The following RAB11FIP1 variants were observed in gnomAD, a reference collection of about 807,000 sequenced individuals.
The protein encoded by RAB11FIP1 is rab11 family-interacting protein 1.
In RAB11FIP1, 49 loss-of-function variants were observed where a neutral mutation model predicts 83.1. The ratio of observed to expected loss-of-function variants is 0.59; its 90% CI spans 0.47 to 0.75. The LOEUF is 0.75. Among genes scored for constraint, RAB11FIP1 ranks in the 30% least tolerant of loss-of-function variants. The pLI, the probability that RAB11FIP1 is intolerant of heterozygous loss-of-function variation, is 0.00. For missense variants in RAB11FIP1, 1,536 were observed against 1,598.7 expected, an observed-to-expected ratio of 0.96 and a Z score of 0.67; for synonymous variants, 670 against 656.0, an observed-to-expected ratio of 1.02 and a Z score of -0.33.
rs549827207 is a variant in RAB11FIP1 at position 37,886,565 on chromosome 8, C to T, written c.372-9014G>A. ...CTGTATCCAGTTTGGACTCCGGGTT[C>T]GGTGAGGACTGCCTACTTCCTTGGC... On this transcript the variant is annotated intron_variant, in intron 1 of 5. Transcript: ENST00000330843. 3.9e-5 allele frequency among the ~76,000 whole-genome samples: 6 copies of T among 152,278 alleles called. No individual in the cohort carries two copies. The East Asian group carries it at 1.2e-3, about 29-fold the overall frequency.
Position 37,899,297 on chromosome 8 carries a change from T to C in RAB11FIP1, c.145A>G (p.Lys49Glu), listed in dbSNP as rs1807167579. 1.2e-6 allele frequency: 2 copies of C among 1,610,064 alleles called. No homozygotes were observed. Among genetic ancestry groups the C allele is most frequent in the Non-Finnish European group, 1.7e-6 (2 of 1,179,016 alleles). Reference sequence around the variant, plus strand: ...GACACGGAGGTGGCGTACTTCTCCTTGCCCACCTGGATCACCGCGTACGCG... The same window carrying C: ...GACACGGAGGTGGCGTACTTCTCCTCGCCCACCTGGATCACCGCGTACGCG... ...SDAYAVIQVG[K>E]EKYATSVSER... The change falls in exon 1 of 6, where the codon AAG becomes GAG. Residue 49 changes from lysine (K) to glutamate (E), a missense_variant. Transcript: ENST00000330843. This position sits in a 1 kb window ranked among gnomAD's most constrained non-coding sequence, Gnocchi z 4.5.
intron 1 of RAB11FIP1, among the ~76,000 whole-genome samples, chr8:37,881,064 G>A (rs1169829592): frequency 6.6e-6 from 1 of 152,234 alleles, no homozygotes; most frequent in Admixed American, 6.5e-5. Context: ...ACACTTAGAG[G>A]AAAGGCACAG....
At chr8:37,887,420 A>G (rs747587174) in intron 1 of RAB11FIP1, among the ~76,000 whole-genome samples, 3 of 151,810 alleles carry the variant, frequency 2.0e-5, no homozygotes, top group Non-Finnish European at 4.4e-5. Context: ...AATCCCAGCT[A>G]CTCGGGAGGA....
At chr8:37,894,635 T>C (rs1236498603) in intron 1 of RAB11FIP1, among the ~76,000 whole-genome samples, 5 of 151,054 alleles carry the variant, frequency 3.3e-5, no homozygotes, top group Non-Finnish European at 7.4e-5. Context: ...AGAAATTACT[T>C]CCCTAAATTT....
At position 37,861,739 on chromosome 8, in the gene RAB11FIP1, C is replaced by T. The variant is rs1340519349; in HGVS notation, c.*1156G>A. ...GAGTAGCTGGGATTACAGGCACGCA[C>T]CACCATGCCAAGCTAATTTTTGTAT... On this transcript the variant is annotated 3_prime_UTR_variant, in exon 6 of 6. Coordinates refer to ENST00000330843, the MANE Select transcript of RAB11FIP1 (RefSeq NM_001002814.3). The T allele has an allele frequency of 2.8e-6, 1 of 356,734 alleles. No individual in the cohort carries two copies. The highest frequency in any genetic ancestry group is 5.4e-6 in the Non-Finnish European group (1 of 184,704). 22.1% of individuals were successfully genotyped at this position (356,734 alleles called of 1,614,324 possible).
intron 5 of RAB11FIP1, among the ~76,000 whole-genome samples, chr8:37,868,792 G>A (rs1024648925): frequency 2.6e-5 from 4 of 152,064 alleles, no homozygotes; most frequent in African/African-American, 9.7e-5. Context: ...GTGGGGAGTT[G>A]TTTTTTAATA....
rs377226270 is a variant in RAB11FIP1 at position 37,874,973 on chromosome 8, G to C, written c.1164C>G (p.Asp388Glu). ...DRQLSESSTK[D>E]SLKSMTLPSY... ...ACGGCAGGGTCATAGACTTCAAGGA[G>C]TCCTTGGTGGAAGATTCGGAGAGCT... The change falls in exon 3 of 6, where the codon GAC (aspartate) becomes GAG (glutamate). Residue 388 changes from aspartate to glutamate, a missense_variant. Physicochemically the swap from Asp to Glu is conservative, Grantham distance 45 (BLOSUM62 2). Coordinates refer to ENST00000330843, the MANE Select transcript of RAB11FIP1 (RefSeq NM_001002814.3). The C allele has an allele frequency of 2.0e-5, 33 of 1,614,052 alleles. No homozygotes were observed. Among genetic ancestry groups the C allele is most frequent in the Non-Finnish European group, 2.6e-5 (31 of 1,180,046 alleles).
At chr8:37,892,321 C>T (rs1479227836) in intron 1 of RAB11FIP1, among the ~76,000 whole-genome samples, 2 of 152,180 alleles carry the variant, frequency 1.3e-5, no homozygotes, top group East Asian at 1.9e-4. Context: ...CCCATTTTGT[C>T]TGTCCAATTC....
chr8:37,895,320 G>A (rs1408401812), intron 1 of RAB11FIP1, among the ~76,000 whole-genome samples: 3 of 100,466 alleles, frequency 3.0e-5, no homozygotes, highest in Admixed American at 1.3e-4. Context: ...CACGTTACCC[G>A]GGCTGGTCTT....
intron 1 of RAB11FIP1, among the ~76,000 whole-genome samples, chr8:37,881,083 C>T (rs188098406): frequency 1.7e-4 from 26 of 152,336 alleles, no homozygotes; most frequent in East Asian, 1.2e-3. Context: ...AGGGGAAAGT[C>T]GAAACCTAAC....
chr8:37,881,721 G>C (rs1806736433), intron 1 of RAB11FIP1, among the ~76,000 whole-genome samples: 2 of 152,018 alleles, frequency 1.3e-5, no homozygotes, highest in Admixed American at 1.3e-4. Context: ...TTTTGCAACA[G>C]GGTCTCACTC....
intron 1 of RAB11FIP1, among the ~76,000 whole-genome samples, chr8:37,892,521 C>G (rs1329692665): frequency 6.6e-6 from 1 of 151,880 alleles, no homozygotes; most frequent in Non-Finnish European, 1.5e-5. Flanking sequence ...ATGGCGCAGT[C>G]TCAGCTCACC....
chr8:37,871,800 A>T lies in RAB11FIP1; in HGVS notation c.3002T>A (p.Leu1001Ter). ...SSTLDIGALS[L>*]GLVVPCPERG... The stretch of plus-strand genomic sequence containing the variant: ...CTCAGGACAGGGGACTACCAAGCCC[A>T]AGGACAAAGCTCCTATGTCCAGAGT... The change falls in exon 4 of 6, where the codon TTG becomes TAG. Residue 1001 changes from leucine to a stop codon, truncating the protein, a stop_gained. Transcript: ENST00000330843. LOFTEE classifies it high-confidence loss of function. The T allele has an allele frequency of 6.2e-7, 1 of 1,614,158 alleles. No homozygotes were observed. Among genetic ancestry groups the T allele is most frequent in the Non-Finnish European group, 8.5e-7 (1 of 1,180,004 alleles).
At position 37,858,856 on chromosome 8, in the gene RAB11FIP1, A is replaced by T. The variant is rs1218519121; in HGVS notation, c.*4039T>A. On this transcript the variant is annotated 3_prime_UTR_variant, in exon 6 of 6. Transcript: ENST00000330843. The stretch of plus-strand genomic sequence containing the variant: ...GTGAGAGACCCTCATGGGATGAGAA[A>T]CACTGGTCATCCCCCCACCCCCACC... 1 of 152,238 alleles carries T rather than the reference A, an allele frequency of 6.6e-6. No homozygotes were observed. The highest frequency in any genetic ancestry group is 2.4e-5 in the African/African-American group (1 of 41,452). 9.4% of individuals were successfully genotyped at this position (152,238 alleles called of 1,614,324 possible).
rs1183467757 is a variant in RAB11FIP1, at chr8:37,871,855, C to CA, written c.2946dup (p.Glu983Ter). ...GACTTTGCTGTCTCTCCATCATCTTCAACCTGATCTCCGTCATCTTCAACC... is the reference window on the plus strand; with the variant it reads ...GACTTTGCTGTCTCTCCATCATCTTCAAACCTGATCTCCGTCATCTTCAACC... On this transcript the variant is annotated frameshift_variant, in exon 4 of 6. Coordinates refer to ENST00000330843, the MANE Select transcript of RAB11FIP1 (RefSeq NM_001002814.3). LOFTEE classifies it high-confidence loss of function. The CA allele has an allele frequency of 1.2e-6, 2 of 1,613,968 alleles. No individual in the cohort carries two copies. The highest frequency in any genetic ancestry group is 1.7e-6 in the Non-Finnish European group (2 of 1,180,022).
At position 37,875,195 on chromosome 8, in the gene RAB11FIP1, G is replaced by A; in HGVS notation, c.942C>T (p.Arg314=). 6.2e-7 allele frequency: 1 copy of A among 1,614,154 alleles called. No individual in the cohort carries two copies. The highest frequency in any genetic ancestry group is 1.1e-5 in the South Asian group (1 of 91,082). Residue 314 remains arginine, a synonymous_variant, in exon 3 of 6, where the codon CGC becomes CGT. Coordinates refer to ENST00000330843, the MANE Select transcript of RAB11FIP1 (RefSeq NM_001002814.3). ...GGTTCCCATTGATGCAGACATTAGA[G>A]CGGGAAAGGACATCATTCTTAGACC... ...GLRSKNDVLS[R]SNVCINGNHV... is the part of the protein sequence containing the mutation.
At position 37,877,431 on chromosome 8, in the gene RAB11FIP1, G is replaced by C. The variant is rs750634013; in HGVS notation, c.492C>G (p.Asp164Glu). The C allele has an allele frequency of 3.7e-5, 59 of 1,613,916 alleles. No individual in the cohort carries two copies. In the South Asian group the frequency reaches 6.0e-4, roughly 17 times the overall value. ...TASMFDLSMK[D>E]KSRNPFGKLK... The stretch of plus-strand genomic sequence containing the variant: ...GCTTTCCAAATGGATTCCGAGACTT[G>C]TCTTTCATAGAAAGGTCAAACATGC... The change falls in exon 2 of 6, where the codon GAC (aspartate) becomes GAG (glutamate). Residue 164 changes from aspartate to glutamate, a missense_variant. Asp to Glu is a conservative substitution (Grantham distance 45). Coordinates refer to ENST00000330843, the MANE Select transcript of RAB11FIP1 (RefSeq NM_001002814.3).
At position 37,898,439 on chromosome 8, in the gene RAB11FIP1, G is replaced by A. The variant is rs546247173; in HGVS notation, c.371+632C>T. On this transcript the variant is annotated intron_variant, in intron 1 of 5. Transcript: ENST00000330843. ...GGAGGCCGAGGTGGGTGGATCACGA[G>A]GTCAATAGTTCAAGACCATCCTGGC... 7.2e-5 allele frequency among the ~76,000 whole-genome samples: 11 copies of A among 151,776 alleles called. No homozygotes were observed. In the South Asian group the frequency reaches 8.3e-4, roughly 12 times the overall value.
chr8:37,877,703 G>C, intron 1 of RAB11FIP1, 152 bp from the exon 2 acceptor site: 1 of 439,706 alleles, frequency 2.3e-6, no homozygotes, highest in Non-Finnish European at 4.0e-6. Context: ...GTAGATGAGA[G>C]CAGAATTTTT....
Sources: gnomAD v4.1 joint callset for allele counts (sites outside exome capture counted in the v4.1 genomes callset) on GRCh38, gnomAD v4.1.1 for gene constraint, Gnocchi (gnomAD v3.1) non-coding constraint, MANE v1.5 for transcripts, NCBI Gene and HGNC (gene_info 2026-07-23, HGNC 2026-07-21) for gene names.